Variants in RBFOX1 observed in about 807,000 individuals in gnomAD.
The protein encoded by RBFOX1 is RNA binding protein fox-1 homolog 1.
A neutral mutation model predicts 57.7 loss-of-function variants in RBFOX1; 8 were observed. The ratio of observed to expected loss-of-function variants is 0.14; its 90% CI spans 0.08 to 0.25. The LOEUF is 0.25. Ranked by LOEUF, RBFOX1 falls within the 10% of genes least tolerant of loss-of-function variation. The pLI, the probability that RBFOX1 is intolerant of heterozygous loss-of-function variation, is 1.00. For missense variants in RBFOX1, 611 were observed against 548.5 expected (o/e 1.11, Z -1.14); for synonymous variants, 326 against 222.4 (o/e 1.47, Z -4.15).
chr16:7,062,360 G>C (rs984564940), intron 4 of RBFOX1, among the ~76,000 whole-genome samples: 1 of 150,102 alleles, frequency 6.7e-6, no homozygotes, highest in Non-Finnish European at 1.5e-5. Context: ...AGGAAAAATG[G>C]TAATGAGATA....
At chr16:7,698,917 TAG>T (rs1261333716) in intron 14 of RBFOX1, among the ~76,000 whole-genome samples, 48 of 152,330 alleles carry the variant, frequency 3.2e-4, no homozygotes, top group Non-Finnish European at 6.5e-4. Flanking sequence ...GATGTCTAGA[TAG>T]TCTGAATTAG....
chr16:6,867,778 C>G (rs2060195962), intron 3 of RBFOX1, among the ~76,000 whole-genome samples: 1 of 152,186 alleles, frequency 6.6e-6, no homozygotes, highest in Non-Finnish European at 1.5e-5. Context: ...GCATCATTAC[C>G]TTTAGGTTTG....
At chr16:6,564,763 G>A (rs185251347) in intron 2 of RBFOX1, among the ~76,000 whole-genome samples, 6 of 152,126 alleles carry the variant, frequency 3.9e-5, no homozygotes, top group East Asian at 1.9e-4. Flanking sequence ...ATTTGATTGC[G>A]GTAATCATTA....
At position 6,536,462 on chromosome 16, in the gene RBFOX1, C is replaced by G. The variant is rs564424442; in HGVS notation, c.-63-118141C>G. 8.5e-5 allele frequency among the ~76,000 whole-genome samples: 13 copies of G among 152,312 alleles called. No individual in the cohort carries two copies. The East Asian group carries it at 2.1e-3, about 25-fold the overall frequency. ...ATGCATAATATGATATGGGACATCC[C>G]TCATAAATTCCGTATCATCAGAGTA... On this transcript the variant is annotated intron_variant, in intron 2 of 15. Coordinates refer to ENST00000550418, the MANE Select transcript of RBFOX1 (RefSeq NM_018723.4).
intron 14 of RBFOX1, among the ~76,000 whole-genome samples, chr16:7,705,111 G>A (rs762772681): frequency 9.2e-5 from 14 of 151,932 alleles, no homozygotes; most frequent in Admixed American, 5.9e-4. Context: ...TCTAGGGAAG[G>A]GACATTTGAT....
At chr16:6,585,451 G>C (rs980020483) in intron 2 of RBFOX1, among the ~76,000 whole-genome samples, 1 of 152,070 alleles carries the variant, frequency 6.6e-6, no homozygotes, top group Non-Finnish European at 1.5e-5. Context: ...GGTCCCCTTT[G>C]AATAGAACCT....
Position 7,587,293 on chromosome 16 carries a change from G to A in RBFOX1, c.461G>A (p.Gly154Asp). The A allele has an allele frequency of 1.3e-6, 2 of 1,556,964 alleles. No individual in the cohort carries two copies. The highest frequency in any genetic ancestry group is 1.3e-5 in the South Asian group (1 of 79,834). ...GTTGAAATTATTTTTAATGAGCGAG[G>A]CTCAAAGGTAAGCAACTTAATTCAC... ...LDVEIIFNER[G>D]SKGFGFVTFE... Residue 154 changes from glycine (G) to aspartate (D), a missense_variant, in exon 7 of 16, where the codon GGC (glycine) becomes GAC (aspartate). Gly to Asp is a moderately conservative substitution (Grantham distance 94). Transcript: ENST00000550418.
chr16:5,660,409 G>A (rs1251572145), intron 3 of RBFOX1, among the ~76,000 whole-genome samples: 1 of 152,098 alleles, frequency 6.6e-6, no homozygotes, highest in Non-Finnish European at 1.5e-5. Flanking sequence ...TTTTATAACT[G>A]GGACTCAAGG....
At chr16:5,432,055 A>AGAC (rs899682604) in intron 1 of RBFOX1, among the ~76,000 whole-genome samples, 1 of 152,082 alleles carries the variant, frequency 6.6e-6, no homozygotes, top group African/African-American at 2.4e-5. Flanking sequence ...GAGGTAATAA[A>AGAC]GACGCCCCTT....
chr16:7,658,477 C>G (rs557678476), intron 12 of RBFOX1, among the ~76,000 whole-genome samples: 39 of 152,256 alleles, frequency 2.6e-4, no homozygotes, highest in Non-Finnish European at 5.3e-4. Flanking sequence ...CCCAGTCTAG[C>G]TTCCTATGAC....
At chr16:7,622,051 C>G (rs2059394238) in intron 10 of RBFOX1, among the ~76,000 whole-genome samples, 1 of 152,102 alleles carries the variant, frequency 6.6e-6, no homozygotes, top group African/African-American at 2.4e-5. Flanking sequence ...AAAAAGCATT[C>G]CTAGCTCACA....
At chr16:5,675,058 G>A (rs1695132328) in intron 3 of RBFOX1, among the ~76,000 whole-genome samples, 1 of 152,118 alleles carries the variant, frequency 6.6e-6, no homozygotes, top group South Asian at 2.1e-4. Context: ...TGAGGTGGGA[G>A]GATTGCTTGA....
chr16:6,205,892 A>C (rs927264053), intron 1 of RBFOX1, among the ~76,000 whole-genome samples: 5 of 93,356 alleles, frequency 5.4e-5, no homozygotes, highest in African/African-American at 2.2e-4. Context: ...GGCTATGTGG[A>C]GAGCGTACCT....
intron 3 of RBFOX1, among the ~76,000 whole-genome samples, chr16:6,797,412 G>GA (rs1432019877): frequency 4.6e-5 from 7 of 152,124 alleles, no homozygotes; most frequent in Non-Finnish European, 8.8e-5. Context: ...GAAAGGGGGA[G>GA]AGAGATAGAG....
chr16:7,058,563 T>G (rs996401994), intron 4 of RBFOX1, among the ~76,000 whole-genome samples: 1 of 151,918 alleles, frequency 6.6e-6, no homozygotes, highest in Non-Finnish European at 1.5e-5. Context: ...TTGCACAGAT[T>G]TCATAAGTTT....
chr16:5,331,289 C>G (rs1343199689), intron 1 of RBFOX1, among the ~76,000 whole-genome samples: 1 of 152,218 alleles, frequency 6.6e-6, no homozygotes, highest in Non-Finnish European at 1.5e-5. Context: ...GTGCTTTGGG[C>G]TTCGTATCAG....
At chr16:6,278,945 T>C (rs1223860129) in intron 1 of RBFOX1, among the ~76,000 whole-genome samples, 1 of 152,198 alleles carries the variant, frequency 6.6e-6, no homozygotes, top group African/African-American at 2.4e-5. Context: ...TAACCCGTTA[T>C]GTGAGTTTGA....
At chr16:7,558,439 T>C (rs765552230) in intron 5 of RBFOX1, among the ~76,000 whole-genome samples, 18 of 152,092 alleles carry the variant, frequency 1.2e-4, no homozygotes, top group Non-Finnish European at 2.2e-4. Flanking sequence ...ATACTGTATG[T>C]ATATATCAAT....
intron 4 of RBFOX1, among the ~76,000 whole-genome samples, chr16:7,279,553 C>T (rs1056430384): frequency 2.2e-4 from 33 of 152,262 alleles, no homozygotes; most frequent in African/African-American, 7.7e-4. Context: ...GGTAAAGTGA[C>T]AGGCTGATAC....
Sources: allele counts gnomAD v4.1 joint callset (sites outside exome capture counted in the v4.1 genomes callset), GRCh38; gene constraint gnomAD v4.1.1; transcripts MANE v1.5; gene names NCBI Gene and HGNC (gene_info 2026-07-23, HGNC 2026-07-21).